PSG6: variants seen among roughly 807,000 people sequenced by gnomAD.
PSG6 encodes pregnancy-specific beta-1-glycoprotein 6.
In PSG6, 51 loss-of-function variants were observed where a neutral mutation model predicts 43.3. The observed-to-expected ratio is 1.18, with a 90% confidence interval of 0.94 to 1.49. The LOEUF is 1.49. Ranked by LOEUF, PSG6 falls within the 40% of genes most tolerant of loss-of-function variation. The pLI is 0.00. For missense variants in PSG6, 770 were observed against 522.2 expected (o/e 1.47, Z -4.62); for synonymous variants, 292 against 197.6 (o/e 1.48, Z -4.01).
At chr19:42,909,209 T>C (rs1972173982) in intron 3 of PSG6, among the ~76,000 whole-genome samples, 1 of 151,600 alleles carries the variant, frequency 6.6e-6, no homozygotes, top group Non-Finnish European at 1.5e-5. Context: ...TCTTGCCCTT[T>C]TTTTTCTCTC....
Position 42,908,184 on chromosome 19 carries a change from C to A in PSG6, c.707-330G>T, listed in dbSNP as rs541090315. ...TGACTGGCTGGCTCACCCTGGGTTC[C>A]TTACCTGGAATGTGCAACTGCTGGG... is the stretch of plus-strand genomic sequence containing the variant. On this transcript the variant is annotated intron_variant, in intron 3 of 5. Transcript: ENST00000187910. 5.3e-5 allele frequency among the ~76,000 whole-genome samples: 8 copies of A among 151,714 alleles called. No individual in the cohort carries two copies. The East Asian group carries it at 7.7e-4, about 15-fold the overall frequency.
Position 42,907,069 on chromosome 19 carries a change from A to G in PSG6, c.1093T>C (p.Trp365Arg). 6.2e-7 allele frequency: 1 copy of G among 1,612,732 alleles called. No individual in the cohort carries two copies. The highest frequency in any genetic ancestry group is 8.5e-7 in the Non-Finnish European group (1 of 1,179,256). Residue 365 changes from tryptophan to arginine, a missense_variant, in exon 5 of 6, where the codon TGG becomes CGG. Trp to Arg is a moderately radical substitution (Grantham distance 101, BLOSUM62 -3). Transcript: ENST00000187910. ...ADSNPPAEYS[W>R]TINGKFQLSG... The stretch of plus-strand genomic sequence containing the variant: ...AGCTGAAACTTCCCATTAATTGTCC[A>G]AGAATACTCTGCCGGTGGGTTAGAG...
chr19:42,910,904 T>C lies in PSG6; in HGVS notation c.428-46A>G, dbSNP rs375311264. 168 of 1,560,530 alleles carry C rather than the reference T, an allele frequency of 1.1e-4. 2 individuals carry two copies. Among genetic ancestry groups the C allele is most frequent in the African/African-American group, 6.3e-4 (46 of 73,186 alleles). On this transcript the variant is annotated intron_variant, in intron 2 of 5. Coordinates refer to ENST00000187910, the MANE Select transcript of PSG6 (RefSeq NM_001031850.4). ...AGATTGCCCTGTGTGGCACCTTTGATTCCTCCAAAGGCATTTTTCAATCAG... is the reference window on the plus strand; with the variant it reads ...AGATTGCCCTGTGTGGCACCTTTGACTCCTCCAAAGGCATTTTTCAATCAG...
At position 42,907,194 on chromosome 19, in the gene PSG6, A is replaced by C; in HGVS notation, c.986-18T>G. 1 of 1,607,466 alleles carries C rather than the reference A, an allele frequency of 6.2e-7. No individual in the cohort carries two copies. Among genetic ancestry groups the C allele is most frequent in the Non-Finnish European group, 8.5e-7 (1 of 1,175,986 alleles). On this transcript the variant is annotated intron_variant, in intron 4 of 5. Coordinates refer to ENST00000187910, the MANE Select transcript of PSG6 (RefSeq NM_001031850.4). ...TGGACCATCTGGAGGAAAGAGAATA[A>C]AGCCACAGGTGATGTCATCCAAGGG...
rs558292755 is a variant in PSG6, at chr19:42,915,689, G to T, written c.427+436C>A. 1.8e-5 allele frequency: 4 copies of T among 225,880 alleles called. 1 individual carries two copies. In the South Asian group the frequency reaches 5.1e-4, roughly 29 times the overall value. 14.0% of individuals were successfully genotyped at this position (225,880 alleles called of 1,614,324 possible). Reference sequence around the variant, plus strand: ...AAGCCACAACCCAGTCCTGGCACAGGCTCCTCAGCTTTACCTGGAGCAAGG... The same window carrying T: ...AAGCCACAACCCAGTCCTGGCACAGTCTCCTCAGCTTTACCTGGAGCAAGG... On this transcript the variant is annotated intron_variant, in intron 2 of 5. Transcript: ENST00000187910.
Position 42,907,797 on chromosome 19 carries a change from T to C in PSG6, c.764A>G (p.Asp255Gly). The C allele has an allele frequency of 1.2e-6, 2 of 1,611,318 alleles. No homozygotes were observed. The highest frequency in any genetic ancestry group is 1.7e-6 in the Non-Finnish European group (2 of 1,179,068). Reference protein sequence around the residue: ...INNLNPREKKDVLAFTCEPKS... With the variant: ...INNLNPREKKGVLAFTCEPKS... Reference sequence around the variant, plus strand: ...AGGTTCACAGGTGAAGGCTAACACATCCTTCTTCTCCCTGGGGTTTAAGTT... The same window carrying C: ...AGGTTCACAGGTGAAGGCTAACACACCCTTCTTCTCCCTGGGGTTTAAGTT... The change falls in exon 4 of 6, where the codon GAT becomes GGT. Residue 255 changes from aspartate (D) to glycine (G), a missense_variant. Transcript: ENST00000187910.
In PSG6 at chr19:42,916,257, T is replaced by G. The variant is rs184225267; in HGVS notation, c.295A>C (p.Thr99Pro). ...AGCAGGGATGCATTGGAATATACTG[T>G]TTCTCGTCCACTGTAGGCAGGCCCA... is the stretch of plus-strand genomic sequence containing the variant. ...IYGPAYSGRE[T>P]VYSNASLLIQ... The change falls in exon 2 of 6, where the codon ACA (threonine) becomes CCA (proline). Residue 99 changes from threonine (T) to proline (P), a missense_variant. Coordinates refer to ENST00000187910, the MANE Select transcript of PSG6 (RefSeq NM_001031850.4). The G allele has an allele frequency of 6.2e-7, 1 of 1,612,110 alleles. No homozygotes were observed. The highest frequency in any genetic ancestry group is 1.3e-5 in the African/African-American group (1 of 74,670).
At position 42,909,237 on chromosome 19, in the gene PSG6, G is replaced by A. The variant is rs1417397352; in HGVS notation, c.706+1343C>T. Reference sequence around the variant, plus strand: ...TTTCTCTCACCATGTTTCTAGCTTGGTGATTAGTTTTCGGTGAATTCCATA... The same window carrying A: ...TTTCTCTCACCATGTTTCTAGCTTGATGATTAGTTTTCGGTGAATTCCATA... On this transcript the variant is annotated intron_variant, in intron 3 of 5. Coordinates refer to ENST00000187910, the MANE Select transcript of PSG6 (RefSeq NM_001031850.4). Among the ~76,000 whole-genome samples, 8 of 151,536 alleles carry A rather than the reference G, an allele frequency of 5.3e-5. 1 individual carries two copies. In the South Asian group the frequency reaches 1.1e-3, roughly 20 times the overall value.
Position 42,907,094 on chromosome 19 carries a change from G to T in PSG6, c.1068C>A (p.Asp356Glu), listed in dbSNP as rs780708171. The T allele has an allele frequency of 9.3e-6, 15 of 1,612,656 alleles. No homozygotes were observed. The highest frequency in any genetic ancestry group is 1.2e-5 in the Non-Finnish European group (14 of 1,179,304). The change falls in exon 5 of 6, where the codon GAC (aspartate) becomes GAA (glutamate). Residue 356 changes from aspartate (D) to glutamate (E), a missense_variant. Transcript: ENST00000187910. ...GENLDLSCFADSNPPAEYSWT... is the reference protein window; with the variant it reads ...GENLDLSCFAESNPPAEYSWT... ...AAGAATACTCTGCCGGTGGGTTAGA[G>T]TCCGCAAAGCAGGACAAGTCGAGGT...
chr19:42,916,193 G>C lies in PSG6; in HGVS notation c.359C>G (p.Thr120Ser). The change falls in exon 2 of 6, where the codon ACC becomes AGC. Residue 120 changes from threonine (T) to serine (S), a missense_variant. By Grantham distance (58) the Thr-to-Ser change is moderately conservative. Coordinates refer to ENST00000187910, the MANE Select transcript of PSG6 (RefSeq NM_001031850.4). ...ATCGCCTCGCTTTATGATGTGTAAG[G>C]TGTAGGATCCTGCATCCTCCTGTGT... The part of the protein sequence containing the change: ...NVTQEDAGSY[T>S]LHIIKRGDGT... The C allele has an allele frequency of 6.2e-7, 1 of 1,612,230 alleles. No homozygotes were observed. The highest frequency in any genetic ancestry group is 8.5e-7 in the Non-Finnish European group (1 of 1,179,100).
chr19:42,910,216 G>C, intron 3 of PSG6: 1 of 426,290 alleles, frequency 2.3e-6, no homozygotes, highest in South Asian at 2.6e-5. Context: ...TTGTCAGAGG[G>C]AAGGGAAAAT....
At chr19:42,912,081 A>C (rs199770373) in intron 2 of PSG6, among the ~76,000 whole-genome samples, 4 of 151,738 alleles carry the variant, frequency 2.6e-5, no homozygotes, top group Middle Eastern at 3.4e-3. Context: ...GAATATTTGC[A>C]GTATATGTAC....
chr19:42,908,438 T>G (rs558536589), intron 3 of PSG6, among the ~76,000 whole-genome samples: 3 of 151,340 alleles, frequency 2.0e-5, no homozygotes, highest in Non-Finnish European at 4.4e-5. Context: ...AGGCACCAGG[T>G]GGGGCAGTTT....
intron 3 of PSG6, among the ~76,000 whole-genome samples, chr19:42,908,088 T>C (rs1972153546): frequency 1.3e-5 from 2 of 151,698 alleles, no homozygotes; most frequent in Admixed American, 1.3e-4. Context: ...AGCAGCAGTG[T>C]TGGGTCATGG....
At position 42,902,472 on chromosome 19, in the gene PSG6, C is replaced by T. The variant is rs563398832; in HGVS notation, c.1241-26G>A. The T allele has an allele frequency of 2.8e-5, 45 of 1,607,402 alleles. 2 individuals are homozygous for T. Among genetic ancestry groups the T allele is most frequent in the South Asian group, 2.0e-4 (18 of 89,740 alleles). On this transcript the variant is annotated intron_variant, in intron 5 of 5. Transcript: ENST00000187910. ...CTGATTGACAGAAGGCCCAGGTCAG[C>T]GCATTTCAAATTCACTACCTCCTTT...
chr19:42,915,662 A>G (rs1972311160), intron 2 of PSG6: 1 of 196,338 alleles, frequency 5.1e-6, no homozygotes. Context: ...GCCCTGCCAA[A>G]GAAGCCACAA....
intron 3 of PSG6, among the ~76,000 whole-genome samples, chr19:42,909,203 G>GC (rs1972173810): frequency 6.6e-6 from 1 of 151,470 alleles, no homozygotes; most frequent in African/African-American, 2.4e-5. Context: ...ATATATTCTT[G>GC]CCCTTTTTTT....
intron 2 of PSG6, 86 bp downstream of exon 2, chr19:42,916,039 C>G: frequency 1.3e-6 from 2 of 1,587,626 alleles, no homozygotes; most frequent in African/African-American, 2.7e-5. Flanking sequence ...GTGACACAGG[C>G]AGAGTCCAGG....
Position 42,916,320 on chromosome 19 carries a change from A to C in PSG6, c.232T>G (p.Tyr78Asp), listed in dbSNP as rs1568448239. The change falls in exon 2 of 6, where the codon TAC becomes GAC. Residue 78 changes from tyrosine to aspartate, a missense_variant. Coordinates refer to ENST00000187910, the MANE Select transcript of PSG6 (RefSeq NM_001031850.4). ...YKGQMTDLYH[Y>D]ITSYVVHGQI... Reference sequence around the variant, plus strand: ...CCGTGTACTACATATGATGTAATGTAATGGTAGAGGTCCGTCATTTGCCCT... The same window carrying C: ...CCGTGTACTACATATGATGTAATGTCATGGTAGAGGTCCGTCATTTGCCCT... 1 of 1,612,126 alleles carries C rather than the reference A, an allele frequency of 6.2e-7. No homozygotes were observed. The highest frequency in any genetic ancestry group is 1.7e-5 in the Admixed American group (1 of 59,882).
Sources: gnomAD v4.1 joint callset for allele counts (sites outside exome capture counted in the v4.1 genomes callset) on GRCh38, gnomAD v4.1.1 for gene constraint, MANE v1.5 for transcripts, NCBI Gene and HGNC (gene_info 2026-07-23, HGNC 2026-07-21) for gene names.